CCDC171: variants seen among roughly 807,000 people sequenced by gnomAD.
The protein encoded by CCDC171 is coiled-coil domain containing 171.
A neutral mutation model predicts 168.2 loss-of-function variants in CCDC171; 177 were observed. The observed-to-expected ratio is 1.05, with a 90% CI of 0.93 to 1.19. The LOEUF is 1.19. Among genes scored for constraint, CCDC171 ranks in the 50% most tolerant of loss-of-function variants. CCDC171 has a pLI of 0.00. For missense variants in CCDC171, 1,991 were observed against 1,539.0 expected (o/e 1.29, Z -4.91); for synonymous variants, 687 against 540.8 (o/e 1.27, Z -3.75).
intron 3 of CCDC171, among the ~76,000 whole-genome samples, chr9:15,988,773 G>C (rs1296520072): frequency 6.6e-6 from 1 of 152,198 alleles, no homozygotes; most frequent in African/African-American, 2.4e-5. Flanking sequence ...AGCACACTAG[G>C]AGATTATATC....
At chr9:15,984,516 C>T (rs930047940) in intron 3 of CCDC171, among the ~76,000 whole-genome samples, 10 of 151,862 alleles carry the variant, frequency 6.6e-5, no homozygotes, top group Non-Finnish European at 1.5e-4. Context: ...TATCTTTGAT[C>T]CTACTTCTAG....
At chr9:15,587,584 G>A (rs1340091605) in intron 4 of CCDC171, 1 of 454,714 alleles carries the variant, frequency 2.2e-6, no homozygotes, top group African/African-American at 2.0e-5. Context: ...CCAGGAGGAA[G>A]AACCTAATGA....
intron 21 of CCDC171, among the ~76,000 whole-genome samples, chr9:15,838,941 A>T (rs1490457199): frequency 6.6e-6 from 1 of 152,162 alleles, no homozygotes; most frequent in African/African-American, 2.4e-5. Flanking sequence ...AAATTTTAAG[A>T]TCTACAGGGA....
chr9:15,633,837 T>C (rs767044415), intron 7 of CCDC171, among the ~76,000 whole-genome samples: 21 of 152,212 alleles, frequency 1.4e-4, no homozygotes, highest in Non-Finnish European at 2.5e-4. Context: ...TGGAATAGTA[T>C]GCAGCCATAA....
intron 21 of CCDC171, among the ~76,000 whole-genome samples, chr9:15,814,439 G>T (rs1259141605): frequency 3.3e-5 from 5 of 152,154 alleles, no homozygotes; most frequent in African/African-American, 1.2e-4. Flanking sequence ...ATAGTAATTT[G>T]TGAATTTTTA....
Position 15,742,525 on chromosome 9 carries a change from G to C in CCDC171, c.2050-1748G>C, listed in dbSNP as rs2054949557. On this transcript the variant is annotated intron_variant, in intron 16 of 25. Transcript: ENST00000380701. The stretch of plus-strand genomic sequence containing the variant: ...CTTGAAGTGTGCCTGCTTTAAGAGG[G>C]TTGTCGCACATCCTCTTGCAAGCAG... 2.0e-5 allele frequency among the ~76,000 whole-genome samples: 3 copies of C among 152,178 alleles called. No individual in the cohort carries two copies. In the South Asian group the frequency reaches 6.2e-4, roughly 31 times the overall value.
At chr9:15,919,139 T>A (rs1470427471) in intron 24 of CCDC171, among the ~76,000 whole-genome samples, 1 of 151,596 alleles carries the variant, frequency 6.6e-6, no homozygotes, top group African/African-American at 2.4e-5. Context: ...TAACACTGCC[T>A]TTTTTGGGCT....
intron 6 of CCDC171, among the ~76,000 whole-genome samples, chr9:15,619,337 A>T (rs1564063946): frequency 6.6e-6 from 1 of 152,224 alleles, no homozygotes; most frequent in African/African-American, 2.4e-5. Flanking sequence ...AATGCAAAGG[A>T]AAAGTTCTTG....
At chr9:15,914,724 G>A (rs973208368) in intron 24 of CCDC171, among the ~76,000 whole-genome samples, 1 of 152,082 alleles carries the variant, frequency 6.6e-6, no homozygotes, top group African/African-American at 2.4e-5. Context: ...ATAGCTTGAT[G>A]TCTGCTCAAA....
intron 3 of CCDC171, among the ~76,000 whole-genome samples, chr9:16,008,199 A>G (rs1832761280): frequency 1.3e-5 from 2 of 152,136 alleles, no homozygotes. Flanking sequence ...CAAGAGTTTT[A>G]CAGTTTCAGC....
intron 6 of CCDC171, among the ~76,000 whole-genome samples, chr9:16,030,973 C>A (rs929082211): frequency 6.6e-6 from 1 of 152,150 alleles, no homozygotes; most frequent in Non-Finnish European, 1.5e-5. Context: ...TTCAGGGGCA[C>A]AAGAATACAC....
intron 6 of CCDC171, among the ~76,000 whole-genome samples, chr9:16,035,170 G>A (rs1833441096): frequency 6.6e-6 from 1 of 152,158 alleles, no homozygotes; most frequent in Non-Finnish European, 1.5e-5. Context: ...TCAGATATCT[G>A]TTTATAACAG....
chr9:15,752,432 C>T (rs975379926), intron 18 of CCDC171, among the ~76,000 whole-genome samples: 4 of 152,134 alleles, frequency 2.6e-5, no homozygotes, highest in Non-Finnish European at 5.9e-5. Flanking sequence ...AATCATGCTA[C>T]TATAAAGACA....
chr9:15,940,178 A>G (rs1275579975), intron 25 of CCDC171, among the ~76,000 whole-genome samples: 1 of 151,922 alleles, frequency 6.6e-6, no homozygotes, highest in Admixed American at 6.6e-5. Flanking sequence ...GAAATAATGA[A>G]ATATATGTAA....
the CCDC171 span, among the ~76,000 whole-genome samples, chr9:16,102,903 C>T: frequency 1.3e-5 from 2 of 152,310 alleles, no homozygotes; most frequent in African/African-American, 4.8e-5. Context: ...AATCACTTCC[C>T]TCCCCAGTCC....
chr9:16,054,058 C>T (rs994470059), intron 1 of CCDC171, among the ~76,000 whole-genome samples: 4 of 152,204 alleles, frequency 2.6e-5, no homozygotes, highest in Admixed American at 2.6e-4. Flanking sequence ...AACCATCTTT[C>T]CTTTTCTTCC....
chr9:15,984,306 T>A (rs1327640753), intron 3 of CCDC171, among the ~76,000 whole-genome samples: 1 of 152,140 alleles, frequency 6.6e-6, no homozygotes, highest in East Asian at 1.9e-4. Context: ...TAAAAGATGA[T>A]GCTAACTTTG....
intron 20 of CCDC171, among the ~76,000 whole-genome samples, chr9:15,783,238 A>G (rs1322725182): frequency 6.6e-6 from 1 of 152,166 alleles, no homozygotes; most frequent in African/African-American, 2.4e-5. Flanking sequence ...TTCTCTTTAT[A>G]TGAATTGCAT....
At chr9:16,046,585 C>G (rs560875500) in intron 1 of CCDC171, among the ~76,000 whole-genome samples, 2 of 152,202 alleles carry the variant, frequency 1.3e-5, no homozygotes, top group South Asian at 4.2e-4. Context: ...CCCATAATTC[C>G]CATGTGTTAT....
Sources: allele counts gnomAD v4.1 joint callset (sites outside exome capture counted in the v4.1 genomes callset), GRCh38; gene constraint gnomAD v4.1.1; transcripts MANE v1.5; gene names NCBI Gene and HGNC (gene_info 2026-07-23, HGNC 2026-07-21).